The following TEAD1 variants were observed in gnomAD, a reference collection of about 807,000 sequenced individuals.
TEAD1 encodes the protein transcriptional enhancer factor TEF-1.
TEAD1 carries 9 observed loss-of-function variants against 54.9 expected under a neutral mutation model. The ratio of observed to expected loss-of-function variants is 0.16; its 90% CI spans 0.10 to 0.29. The LOEUF is 0.29. Ranked by LOEUF, TEAD1 falls within the 10% of genes least tolerant of loss-of-function variation. TEAD1 has a pLI of 1.00. For synonymous variants in TEAD1, 200 were observed against 187.8 expected, an observed-to-expected ratio of 1.07 and a Z score of -0.53; for missense variants, 387 against 535.9, an observed-to-expected ratio of 0.72 and a Z score of 2.74.
chr11:12,742,023 G>A (rs1462395178), intron 2 of TEAD1, among the ~76,000 whole-genome samples: 1 of 152,212 alleles, frequency 6.6e-6, no homozygotes. Flanking sequence ...GCACACAGTA[G>A]GCAGTTTCTT....
At chr11:12,816,851 A>T (rs1946426358) in intron 3 of TEAD1, among the ~76,000 whole-genome samples, 1 of 152,208 alleles carries the variant, frequency 6.6e-6, no homozygotes. Context: ...TGATGGCATT[A>T]CAATGAGAAT....
chr11:12,840,203 C>T (rs1182024628), intron 3 of TEAD1, among the ~76,000 whole-genome samples: 11 of 143,546 alleles, frequency 7.7e-5, no homozygotes, highest in South Asian at 2.3e-4. Context: ...GCCTGGATCG[C>T]GCCACTGCAC....
intron 2 of TEAD1, 73 bp downstream of exon 2, chr11:12,675,634 A>T (rs1943068206): frequency 6.6e-6 from 1 of 152,210 alleles, no homozygotes; most frequent in African/African-American, 2.4e-5. Flanking sequence ...ATCTGGGTAC[A>T]CTTCTAGTCT....
intron 2 of TEAD1, among the ~76,000 whole-genome samples, chr11:12,710,138 G>A (rs1193957120): frequency 6.6e-6 from 1 of 151,956 alleles, no homozygotes; most frequent in Non-Finnish European, 1.5e-5. Context: ...ACCAGCCTGG[G>A]CAACATAGCA....
intron 3 of TEAD1, among the ~76,000 whole-genome samples, chr11:12,797,752 C>T (rs1259103405): frequency 6.6e-6 from 1 of 152,132 alleles, no homozygotes; most frequent in Non-Finnish European, 1.5e-5. Context: ...ACATCCCATA[C>T]ATTGAAAATG....
intron 10 of TEAD1, among the ~76,000 whole-genome samples, chr11:12,921,641 C>T (rs1205416645): frequency 6.6e-6 from 1 of 151,980 alleles, no homozygotes; most frequent in African/African-American, 2.4e-5. Context: ...CTTTTCACAG[C>T]GAAGTATTCT....
At chr11:12,914,434 G>A (rs1018053993) in intron 10 of TEAD1, among the ~76,000 whole-genome samples, 1 of 152,200 alleles carries the variant, frequency 6.6e-6, no homozygotes, top group Non-Finnish European at 1.5e-5. Context: ...TACAGCTGCT[G>A]TCTCATCATT....
chr11:12,746,729 C>G (rs1944752395), intron 2 of TEAD1, among the ~76,000 whole-genome samples: 2 of 152,212 alleles, frequency 1.3e-5, no homozygotes, highest in African/African-American at 4.8e-5. Context: ...GGCAGGCCCA[C>G]TGTTATTTTT....
intron 3 of TEAD1, among the ~76,000 whole-genome samples, chr11:12,790,184 G>T (rs12417886): frequency 0.33 from 50,298 of 152,104 alleles, 9,181 homozygotes; most frequent in South Asian, 0.6. Flanking sequence ...TACCTACAGT[G>T]CCTGCTACCT....
At position 12,879,894 on chromosome 11, in the gene TEAD1, A is replaced by G. The variant is rs776283233; in HGVS notation, c.465+52A>G. ...GACAGCTGCTGGGGTTGGGGTTGGC[A>G]TGTGCCAGTGTTAAGCCTCCCACCT... On this transcript the variant is annotated intron_variant, in intron 6 of 12. Coordinates refer to ENST00000527636, the MANE Select transcript of TEAD1 (RefSeq NM_021961.6). 7.5e-6 allele frequency: 12 copies of G among 1,609,968 alleles called. No individual in the cohort carries two copies. The South Asian group carries it at 1.2e-4, about 16-fold the overall frequency.
chr11:12,923,203 T>G (rs1948844274), intron 10 of TEAD1, among the ~76,000 whole-genome samples: 1 of 152,132 alleles, frequency 6.6e-6, no homozygotes, highest in Non-Finnish European at 1.5e-5. Context: ...ACTGTGTCCT[T>G]TGGTCTCAGG....
intron 2 of TEAD1, among the ~76,000 whole-genome samples, chr11:12,713,191 T>C (rs1369786892): frequency 1.3e-5 from 2 of 152,098 alleles, no homozygotes; most frequent in Non-Finnish European, 2.9e-5. Flanking sequence ...GGCTAATATT[T>C]TTATTTTTTG....
At chr11:12,762,784 CA>C (rs779246034) in intron 2 of TEAD1, among the ~76,000 whole-genome samples, 16 of 152,232 alleles carry the variant, frequency 1.1e-4, no homozygotes, top group Admixed American at 2.0e-4. Flanking sequence ...TGGGGGAGGA[CA>C]GGGGCACAGG....
At chr11:12,817,666 A>G (rs970132410) in intron 3 of TEAD1, among the ~76,000 whole-genome samples, 2 of 152,156 alleles carry the variant, frequency 1.3e-5, no homozygotes, top group Non-Finnish European at 2.9e-5. Context: ...AAAAAAATCA[A>G]TGTTAACGTG....
At chr11:12,728,064 G>A (rs559089431) in intron 2 of TEAD1, among the ~76,000 whole-genome samples, 2 of 152,282 alleles carry the variant, frequency 1.3e-5, no homozygotes, top group African/African-American at 4.8e-5. Context: ...CTGCCCTCAA[G>A]GTGCTCTCAG....
At position 12,836,343 on chromosome 11, in the gene TEAD1, C is replaced by T. The variant is rs139979101; in HGVS notation, c.203-25907C>T. Among the ~76,000 whole-genome samples the T allele has an allele frequency of 9.8e-3, 1,478 of 150,154 alleles. 22 individuals are homozygous for T. Among genetic ancestry groups the T allele is most frequent in the African/African-American group, 0.034 (1,395 of 40,734 alleles). Reference sequence around the variant, plus strand: ...GCTGAGGCAGGAGAATGGCGTGAACCGGGCAGGCGGAGCTTGCAGTGAGTC... The same window carrying T: ...GCTGAGGCAGGAGAATGGCGTGAACTGGGCAGGCGGAGCTTGCAGTGAGTC... On this transcript the variant is annotated intron_variant, in intron 3 of 12. Transcript: ENST00000527636.
rs375638400 is a variant in TEAD1, at chr11:12,793,296, T to A, written c.202+28862T>A. Among the ~76,000 whole-genome samples, 79 of 152,164 alleles carry A rather than the reference T, an allele frequency of 5.2e-4. 2 individuals carry two copies. The South Asian group carries it at 0.014, about 27-fold the overall frequency. Reference sequence around the variant, plus strand: ...AATGGCACAGTTAAAGGATAGATATTTTTTTTAAGAACTATGATAATATTT... The same window carrying A: ...AATGGCACAGTTAAAGGATAGATATATTTTTTAAGAACTATGATAATATTT... On this transcript the variant is annotated intron_variant, in intron 3 of 12. Transcript: ENST00000527636.
intron 2 of TEAD1, among the ~76,000 whole-genome samples, chr11:12,685,725 T>C (rs1164972705): frequency 2.0e-5 from 3 of 152,222 alleles, no homozygotes; most frequent in Non-Finnish European, 4.4e-5. Context: ...ATGTTTACCA[T>C]GGTAACCCAT....
intron 10 of TEAD1, among the ~76,000 whole-genome samples, chr11:12,906,977 T>G (rs1433777396): frequency 6.6e-6 from 1 of 152,218 alleles, no homozygotes; most frequent in African/African-American, 2.4e-5. Context: ...TAGACAAGTC[T>G]GTGTGGACAT....
Sources: gnomAD v4.1 joint callset for allele counts (sites outside exome capture counted in the v4.1 genomes callset) on GRCh38, gnomAD v4.1.1 for gene constraint, MANE v1.5 for transcripts, NCBI Gene and HGNC (gene_info 2026-07-23, HGNC 2026-07-21) for gene names.